Variants in UMODL1 observed in about 807,000 individuals in gnomAD.
UMODL1 encodes the protein uromodulin-like 1.
Under a neutral mutation model 136.3 loss-of-function variants are expected in UMODL1, and 128 were observed. The observed-to-expected ratio is 0.94, with a 90% CI of 0.81 to 1.09. UMODL1 has a LOEUF of 1.09. Ranked by LOEUF, UMODL1 falls within the 50% of genes least tolerant of loss-of-function variation. The pLI is 0.00. For missense variants in UMODL1, 1,766 were observed against 1,725.6 expected (o/e 1.02, Z -0.41); for synonymous variants, 721 against 720.0 (o/e 1.00, Z -0.02).
chr21:42,138,311 G>A (rs2123405775), intron 22 of UMODL1, among the ~76,000 whole-genome samples: 1 of 152,306 alleles, frequency 6.6e-6, no homozygotes, highest in Non-Finnish European at 1.5e-5. Flanking sequence ...GAGTGTCCCT[G>A]AAACCTGGTG....
intron 9 of UMODL1, chr21:42,108,222 TGCTGTCCTCCGTGGACTGCA>T: frequency 6.4e-6 from 3 of 465,528 alleles, no homozygotes; most frequent in South Asian, 4.7e-5. Flanking sequence ...CTGGTGCCTC[TGCTGTCCTCCGTGGACTGCA>T]GCCCAGCCAG....
chr21:42,090,329 T>C lies in UMODL1; in HGVS notation c.822T>C (p.Asn274=). 1 of 1,614,182 alleles carries C rather than the reference T, an allele frequency of 6.2e-7. No individual in the cohort carries two copies. Among genetic ancestry groups the C allele is most frequent in the Non-Finnish European group, 8.5e-7 (1 of 1,180,030 alleles). ...DVNECFYEEL[N]ACSGRELCAN... ...ATGAGTGTTTCTATGAGGAGCTCAA[T>C]GCCTGCTCTGGAAGGGAACTGTGCG... Residue 274 remains asparagine, a synonymous_variant, in exon 6 of 23, where the codon AAT becomes AAC. Coordinates refer to ENST00000408910, the MANE Select transcript of UMODL1 (RefSeq NM_001004416.3).
rs779079368 is a variant in UMODL1, at chr21:42,102,210, C to T, written c.1231C>T (p.Leu411=). The T allele has an allele frequency of 2.5e-6, 4 of 1,613,710 alleles. No individual in the cohort carries two copies. Among genetic ancestry groups the T allele is most frequent in the Non-Finnish European group, 3.4e-6 (4 of 1,179,836 alleles). Residue 411 remains leucine, a synonymous_variant, in exon 8 of 23, where the codon CTG becomes TTG. Coordinates refer to ENST00000408910, the MANE Select transcript of UMODL1 (RefSeq NM_001004416.3). The part of the protein sequence containing the change: ...EVTIKIVNHN[L]TEKLLNRSSV... ...CACAATAAAGATTGTAAACCACAAC[C>T]TGACGGAGAAGTTACTCAACCGCAG...
At chr21:42,109,493 C>T (rs2066784008) in intron 9 of UMODL1, 69 bp from the exon 10 acceptor site, 2 of 1,583,268 alleles carry the variant, frequency 1.3e-6, no homozygotes, top group Non-Finnish European at 1.7e-6. Context: ...CTCCTTCCAG[C>T]ATGGGTCTGT....
chr21:42,066,510 T>A (rs1274783483), upstream of UMODL1, among the ~76,000 whole-genome samples: 3 of 152,202 alleles, frequency 2.0e-5, no homozygotes, highest in African/African-American at 7.2e-5. Flanking sequence ...GGTCTTGAAC[T>A]CCTGACCTCA....
At chr21:42,079,781 G>T (rs1414986945) in intron 2 of UMODL1, among the ~76,000 whole-genome samples, 1 of 152,250 alleles carries the variant, frequency 6.6e-6, no homozygotes, top group African/African-American at 2.4e-5. Flanking sequence ...TTCCAGGAAG[G>T]CAGGCTGGGG....
At position 42,111,057 on chromosome 21, in the gene UMODL1, G is replaced by T. The variant is rs375240346; in HGVS notation, c.1835G>T (p.Arg612Ile). The change falls in exon 11 of 23, where the codon AGA becomes ATA. Residue 612 changes from arginine to isoleucine, a missense_variant. Arg to Ile is a moderately conservative substitution (Grantham distance 97). Coordinates refer to ENST00000408910, the MANE Select transcript of UMODL1 (RefSeq NM_001004416.3). ...GQAWTPEPSP[R>I]RGGSNVVGYD... Reference sequence around the variant, plus strand: ...GCCTGGACCCCAGAGCCCTCACCCAGAAGAGGGGGCAGCAATGTGGTCGGG... The same window carrying T: ...GCCTGGACCCCAGAGCCCTCACCCATAAGAGGGGGCAGCAATGTGGTCGGG... The T allele has an allele frequency of 1.6e-5, 26 of 1,613,408 alleles. No individual in the cohort carries two copies. In the African/African-American group the frequency reaches 2.9e-4, roughly 18 times the overall value.
intron 14 of UMODL1, among the ~76,000 whole-genome samples, chr21:42,117,743 A>G (rs966342652): frequency 6.6e-6 from 1 of 152,326 alleles, no homozygotes; most frequent in South Asian, 2.1e-4. Context: ...TGTGCATTCA[A>G]CAGTTGTTGA....
chr21:42,069,229 A>AACACACACACACACACAC (rs61712292), upstream of UMODL1, among the ~76,000 whole-genome samples: 7,589 of 136,242 alleles, frequency 0.056, 302 homozygotes, highest in Middle Eastern at 0.075. Flanking sequence ...CACAGACAGA[A>AACACACACACACACACAC]ACACACACAC....
rs139404562 is a variant in UMODL1, at chr21:42,125,763, G to A, written c.3148-582G>A. ...CAGCGGCATCCTCAAGCCTATGCAG[G>A]GCTCTTGCAGGGCTGCGGGGCCAAG... is the stretch of plus-strand genomic sequence containing the variant. On this transcript the variant is annotated intron_variant, in intron 17 of 22. Coordinates refer to ENST00000408910, the MANE Select transcript of UMODL1 (RefSeq NM_001004416.3). Among the ~76,000 whole-genome samples, 64 of 152,266 alleles carry A rather than the reference G, an allele frequency of 4.2e-4. No homozygotes were observed. The Middle Eastern group carries it at 0.02, about 49-fold the overall frequency.
At chr21:42,098,804 T>C in intron 6 of UMODL1, 122 bp from the exon 7 acceptor site, 2 of 1,441,868 alleles carry the variant, frequency 1.4e-6, no homozygotes, top group Non-Finnish European at 1.9e-6. Context: ...CTGTTCTGGA[T>C]GGGTCAACTT....
chr21:42,090,946 G>A (rs573241637), intron 6 of UMODL1, among the ~76,000 whole-genome samples: 28 of 152,290 alleles, frequency 1.8e-4, no homozygotes, highest in African/African-American at 6.5e-4. Context: ...AATGAGTGCC[G>A]GCAGTGAGCT....
intron 12 of UMODL1, 146 bp downstream of exon 12, chr21:42,111,856 G>T: frequency 1.2e-6 from 1 of 855,960 alleles, no homozygotes; most frequent in Non-Finnish European, 1.7e-6. Flanking sequence ...TGTGGAAACG[G>T]AGGCACCCAG....
intron 13 of UMODL1, among the ~76,000 whole-genome samples, chr21:42,115,030 C>T (rs1004207307): frequency 2.6e-5 from 4 of 152,190 alleles, no homozygotes; most frequent in African/African-American, 4.8e-5. Flanking sequence ...GTTTGGGGTT[C>T]GCCCAGGAAT....
In UMODL1 at chr21:42,120,291, G is replaced by T. The variant is rs189801595; in HGVS notation, c.2690-796G>T. 2.0e-5 allele frequency among the ~76,000 whole-genome samples: 3 copies of T among 152,350 alleles called. No homozygotes were observed. In the East Asian group the frequency reaches 5.8e-4, roughly 29 times the overall value. ...ACCAGTTTGGTGACATAAATCAAAC[G>T]CTTTCAAAGTGGCCATCCACTTGGA... On this transcript the variant is annotated intron_variant, in intron 15 of 22. Coordinates refer to ENST00000408910, the MANE Select transcript of UMODL1 (RefSeq NM_001004416.3).
At chr21:42,121,292 G>T in intron 16 of UMODL1, 68 bp downstream of exon 16, 2 of 1,540,786 alleles carry the variant, frequency 1.3e-6, no homozygotes, top group South Asian at 1.2e-5. Flanking sequence ...GGACATTCAC[G>T]TGCAAAGGGC....
chr21:42,133,423 A>G (rs2067159064), intron 21 of UMODL1, among the ~76,000 whole-genome samples: 1 of 151,114 alleles, frequency 6.6e-6, no homozygotes, highest in African/African-American at 2.4e-5. Flanking sequence ...CTCATAACCC[A>G]CTCTCCTCTC....
At chr21:42,079,940 C>A (rs1411025277) in intron 2 of UMODL1, among the ~76,000 whole-genome samples, 1 of 152,202 alleles carries the variant, frequency 6.6e-6, no homozygotes, top group Admixed American at 6.5e-5. Context: ...ACACGGAGTT[C>A]TTTCTCAGAA....
At chr21:42,132,902 G>T (rs1490482550) in intron 21 of UMODL1, among the ~76,000 whole-genome samples, 1 of 152,196 alleles carries the variant, frequency 6.6e-6, no homozygotes, top group East Asian at 1.9e-4. Flanking sequence ...TTCATAAAGA[G>T]CCTGGCCCAT....
Sources: allele counts gnomAD v4.1 joint callset (sites outside exome capture counted in the v4.1 genomes callset), GRCh38; gene constraint gnomAD v4.1.1; transcripts MANE v1.5; gene names NCBI Gene and HGNC (gene_info 2026-07-23, HGNC 2026-07-21).